Variants in TSPAN13 observed in about 807,000 individuals in gnomAD.
TSPAN13 encodes tetraspanin 13.
Under a neutral mutation model 26.9 loss-of-function variants are expected in TSPAN13, and 18 were observed. The observed-to-expected ratio is 0.67, with a 90% confidence interval of 0.46 to 0.99. The LOEUF (loss-of-function observed/expected upper bound fraction) is 0.99. Ranked by LOEUF, TSPAN13 falls within the 50% of genes least tolerant of loss-of-function variation. TSPAN13 has a pLI of 0.00. For missense variants in TSPAN13, 201 were observed against 249.6 expected (o/e 0.81, Z 1.31); for synonymous variants, 116 against 98.4 (o/e 1.18, Z -1.06).
chr7:16,763,350 C>T (rs1001381744), intron 1 of TSPAN13, among the ~76,000 whole-genome samples: 1 of 152,192 alleles, frequency 6.6e-6, no homozygotes, highest in Non-Finnish European at 1.5e-5. Flanking sequence ...ATGATCAACA[C>T]AAGGTGAAGC....
At chr7:16,776,966 G>A (rs1784758425) in intron 2 of TSPAN13, 76 bp from the exon 3 acceptor site, 6 of 955,688 alleles carry the variant, frequency 6.3e-6, no homozygotes, top group Admixed American at 2.2e-5. Context: ...GCATTCTAAA[G>A]TTGTCAGTAC....
At chr7:16,783,132 A>G (rs1394615700) in intron 5 of TSPAN13, among the ~76,000 whole-genome samples, 1 of 152,154 alleles carries the variant, frequency 6.6e-6, no homozygotes, top group Admixed American at 6.5e-5. Context: ...CCACACCCGC[A>G]AAGTCCCTGT....
chr7:16,772,206 C>T (rs1784687481), intron 1 of TSPAN13, among the ~76,000 whole-genome samples: 2 of 151,994 alleles, frequency 1.3e-5, no homozygotes, highest in South Asian at 4.2e-4. Flanking sequence ...CATGAGGGTA[C>T]CAGAACACTT....
intron 1 of TSPAN13, among the ~76,000 whole-genome samples, chr7:16,760,047 A>G (rs545682095): frequency 6.6e-6 from 1 of 152,222 alleles, no homozygotes; most frequent in East Asian, 1.9e-4. Context: ...GGGACAGAGC[A>G]AGCAAGCAGT....
chr7:16,769,791 T>C (rs1412164865), intron 1 of TSPAN13, among the ~76,000 whole-genome samples: 6 of 152,168 alleles, frequency 3.9e-5, no homozygotes, highest in Non-Finnish European at 8.8e-5. Context: ...CCCACCACAA[T>C]GCTGAATAGA....
chr7:16,761,793 C>T (rs193092577), intron 1 of TSPAN13, among the ~76,000 whole-genome samples: 1 of 148,472 alleles, frequency 6.7e-6, no homozygotes, highest in African/African-American at 2.5e-5. Context: ...CATTGGCTTC[C>T]CAGAGTACTG....
intron 5 of TSPAN13, 85 bp from the exon 6 acceptor site, chr7:16,783,332 C>T: frequency 7.3e-7 from 1 of 1,373,862 alleles, no homozygotes; most frequent in Non-Finnish European, 1.0e-6. Flanking sequence ...TGAGAGGGTC[C>T]AAAGTTATTT....
chr7:16,776,122 GAT>G (rs1784740462), intron 1 of TSPAN13, 87 bp from the exon 2 acceptor site: 2 of 1,318,118 alleles, frequency 1.5e-6, no homozygotes, highest in Non-Finnish European at 2.1e-6. Flanking sequence ...GTGCCTGAAG[GAT>G]ATTGTTGATA....
chr7:16,777,585 T>A (rs908847979), intron 3 of TSPAN13, among the ~76,000 whole-genome samples: 1 of 152,232 alleles, frequency 6.6e-6, no homozygotes, highest in Non-Finnish European at 1.5e-5. Flanking sequence ...TAAATTCTTT[T>A]AAATGCATGT....
chr7:16,763,283 C>T (rs967704015), intron 1 of TSPAN13, among the ~76,000 whole-genome samples: 5 of 152,076 alleles, frequency 3.3e-5, no homozygotes, highest in East Asian at 1.9e-4. Context: ...GTAGGGAAGG[C>T]GATCACCATG....
intron 1 of TSPAN13, among the ~76,000 whole-genome samples, chr7:16,765,436 A>G (rs999395246): frequency 2.0e-5 from 3 of 152,050 alleles, no homozygotes; most frequent in African/African-American, 7.2e-5. Context: ...TTGCAGTAGC[A>G]CCTTCCTGTT....
At chr7:16,756,648 G>C (rs944100401) in intron 1 of TSPAN13, among the ~76,000 whole-genome samples, 2 of 151,798 alleles carry the variant, frequency 1.3e-5, no homozygotes, top group South Asian at 2.1e-4. Flanking sequence ...TTTATGGCTT[G>C]ATTATTTTAG....
At chr7:16,772,271 A>T (rs1198889428) in intron 1 of TSPAN13, among the ~76,000 whole-genome samples, 1 of 152,180 alleles carries the variant, frequency 6.6e-6, no homozygotes, top group Non-Finnish European at 1.5e-5. Context: ...GGCAGGTTCT[A>T]TAACAGTGAG....
intron 1 of TSPAN13, among the ~76,000 whole-genome samples, chr7:16,771,033 G>C (rs1228542825): frequency 6.6e-6 from 1 of 152,098 alleles, no homozygotes; most frequent in African/African-American, 2.4e-5. Flanking sequence ...GTTATGCAAG[G>C]GTCTCAGTTC....
Position 16,783,713 on chromosome 7 carries a change from TG to T in TSPAN13, c.*224del, listed in dbSNP as rs1266495518. On this transcript the variant is annotated 3_prime_UTR_variant, in exon 6 of 6. Coordinates refer to ENST00000262067, the MANE Select transcript of TSPAN13 (RefSeq NM_014399.4). ...GTGGTCTCTGAAGCTCGGTGGCACC[TG>T]GAATTTACTGTATTCATTGTCGGGC... 9.0e-6 allele frequency: 5 copies of T among 553,030 alleles called. No homozygotes were observed. In the African/African-American group the frequency reaches 9.4e-5, roughly 10 times the overall value. 34.3% of individuals were successfully genotyped at this position (553,030 alleles called of 1,614,324 possible).
At chr7:16,754,074 C>A (rs1278362949) in intron 1 of TSPAN13, 44 bp downstream of exon 1, 24 of 1,595,158 alleles carry the variant, frequency 1.5e-5, no homozygotes, top group Non-Finnish European at 1.8e-5. Flanking sequence ...GGGCTTTGCA[C>A]CTGCTTGGGA....
chr7:16,766,346 T>A (rs3823652), intron 1 of TSPAN13, among the ~76,000 whole-genome samples: 61,518 of 152,098 alleles, frequency 0.4, 13,399 homozygotes, highest in African/African-American at 0.56. Flanking sequence ...GGACAGTTGA[T>A]TCTATGTTTT....
At chr7:16,766,156 AT>A (rs1014766991) in intron 1 of TSPAN13, among the ~76,000 whole-genome samples, 3 of 152,158 alleles carry the variant, frequency 2.0e-5, no homozygotes, top group African/African-American at 7.2e-5. Context: ...TATTTGGGGG[AT>A]TTTTAAAATA....
At position 16,780,463 on chromosome 7, in the gene TSPAN13, A is replaced by G. The variant is rs551111933; in HGVS notation, c.540+1347A>G. Among the ~76,000 whole-genome samples the G allele has an allele frequency of 2.9e-3, 446 of 151,992 alleles. 5 individuals are homozygous for G. The highest frequency in any genetic ancestry group is 0.029 in the South Asian group (141 of 4,818). On this transcript the variant is annotated intron_variant, in intron 5 of 5. Transcript: ENST00000262067. ...TTTAGTCTGACCATTTTTTCATTTC[A>G]CTGTTTCTCAGAAAAGAGCTATCTG...
Sources: allele counts gnomAD v4.1 joint callset (sites outside exome capture counted in the v4.1 genomes callset), GRCh38; gene constraint gnomAD v4.1.1; transcripts MANE v1.5; gene names NCBI Gene and HGNC (gene_info 2026-07-23, HGNC 2026-07-21).